The following KYNU variants were observed in gnomAD, a reference collection of about 807,000 sequenced individuals.
The protein encoded by KYNU is kynureninase.
In KYNU, 54 loss-of-function variants were observed where a neutral mutation model predicts 59.2. The observed-to-expected ratio is 0.91, with a 90% CI of 0.73 to 1.14. The LOEUF (loss-of-function observed/expected upper bound fraction) is 1.14, where lower values mean the gene tolerates loss of function less well. Among genes scored for constraint, KYNU ranks in the 50% most tolerant of loss-of-function variants. The pLI is 0.00. For synonymous variants in KYNU, 177 were observed against 192.0 expected (o/e 0.92, Z 0.65); for missense variants, 567 against 554.4 (o/e 1.02, Z -0.23).
chr2:143,021,006 T>C (rs1686391975), intron 10 of KYNU, among the ~76,000 whole-genome samples: 1 of 152,214 alleles, frequency 6.6e-6, no homozygotes, highest in South Asian at 2.1e-4. Context: ...GGTATCGCAA[T>C]GTAGTTTTAA....
chr2:142,899,546 C>T (rs182372454), intron 2 of KYNU, among the ~76,000 whole-genome samples: 60 of 152,262 alleles, frequency 3.9e-4, no homozygotes, highest in African/African-American at 1.3e-3. Context: ...GGCCGAACAA[C>T]GCTCTTAACT....
Position 143,043,769 on chromosome 2 carries a change from A to G in KYNU, c.*1597A>G, listed in dbSNP as rs538331136. On this transcript the variant is annotated 3_prime_UTR_variant, in exon 14 of 14. Transcript: ENST00000264170. Reference sequence around the variant, plus strand: ...ATACTTTATATATATTTATATTTATATATTTATATATTTATATTTTAATAT... The same window carrying G: ...ATACTTTATATATATTTATATTTATGTATTTATATATTTATATTTTAATAT... 2.5e-3 allele frequency: 364 copies of G among 146,928 alleles called. No individual in the cohort carries two copies. The highest frequency in any genetic ancestry group is 6.8e-3 in the African/African-American group (278 of 40,604). 9.1% of individuals were successfully genotyped at this position (146,928 alleles called of 1,614,324 possible).
intron 8 of KYNU, among the ~76,000 whole-genome samples, chr2:142,974,793 C>T (rs1684837680): frequency 2.0e-5 from 3 of 152,300 alleles, no homozygotes; most frequent in East Asian, 3.9e-4. Context: ...TCTTCACCAT[C>T]GCTGTTCAGG....
intron 4 of KYNU, among the ~76,000 whole-genome samples, chr2:142,952,189 A>C (rs992830107): frequency 6.6e-6 from 1 of 151,676 alleles, no homozygotes; most frequent in Non-Finnish European, 1.5e-5. Context: ...CGATTCTCCA[A>C]CTCAGCCTTC....
intron 8 of KYNU, among the ~76,000 whole-genome samples, chr2:142,971,547 G>A (rs1240564271): frequency 6.6e-6 from 1 of 152,108 alleles, no homozygotes; most frequent in Non-Finnish European, 1.5e-5. Flanking sequence ...GCCACCGTTT[G>A]CACTGTCTTA....
intron 8 of KYNU, among the ~76,000 whole-genome samples, chr2:142,962,001 G>A (rs115374462): frequency 9.1e-4 from 139 of 152,226 alleles, no homozygotes; most frequent in Non-Finnish European, 1.4e-3. Context: ...TTCTAACAAC[G>A]ACTTCCAACT....
intron 10 of KYNU, among the ~76,000 whole-genome samples, chr2:143,013,550 T>G (rs1345371943): frequency 6.6e-6 from 1 of 152,228 alleles, no homozygotes; most frequent in East Asian, 1.9e-4. Context: ...CATATATGAA[T>G]GTTATCAGGT....
At chr2:142,885,570 T>A (rs768001408) in intron 2 of KYNU, 34 bp downstream of exon 2, 3 of 1,537,518 alleles carry the variant, frequency 2.0e-6, no homozygotes, top group Non-Finnish European at 2.7e-6. Context: ...AAATTTTATT[T>A]ATTTATTTAT....
rs112983456 is a variant in KYNU at position 142,960,818 on chromosome 2, A to G, written c.729+48A>G. On this transcript the variant is annotated intron_variant, in intron 8 of 13. Transcript: ENST00000264170. ...CCCACCTTACTCCAAACATCACTCTACTTAAGAGTGTTCTAATTGCATGAC... is the reference window on the plus strand; with the variant it reads ...CCCACCTTACTCCAAACATCACTCTGCTTAAGAGTGTTCTAATTGCATGAC... 790 of 1,563,084 alleles carry G rather than the reference A, an allele frequency of 5.1e-4. 5 individuals carry two copies. The African/African-American group carries it at 9.7e-3, about 19-fold the overall frequency.
At chr2:142,957,117 A>T (rs2105089783) in intron 6 of KYNU, among the ~76,000 whole-genome samples, 1 of 152,272 alleles carries the variant, frequency 6.6e-6, no homozygotes, top group East Asian at 1.9e-4. Flanking sequence ...GCAAGTAATT[A>T]TGTCAAATGG....
In KYNU at chr2:143,050,044, A is replaced by T. The variant is rs1687236825; in HGVS notation, c.*7872A>T. ...ATATAAACATATATTTATATAAAAT[A>T]AAAACATATAAAATATGAAATATAT... On this transcript the variant is annotated 3_prime_UTR_variant, in exon 14 of 14. Coordinates refer to ENST00000264170, the MANE Select transcript of KYNU (RefSeq NM_003937.3). 1 of 148,046 alleles carries T rather than the reference A, an allele frequency of 6.8e-6. No homozygotes were observed. Among genetic ancestry groups the T allele is most frequent in the African/African-American group, 2.4e-5 (1 of 40,882 alleles). 9.2% of individuals were successfully genotyped at this position (148,046 alleles called of 1,614,324 possible).
At chr2:142,968,986 A>G (rs778738246) in intron 8 of KYNU, among the ~76,000 whole-genome samples, 2 of 152,350 alleles carry the variant, frequency 1.3e-5, no homozygotes, top group South Asian at 2.1e-4. Context: ...ATGAAAGGAC[A>G]GATCCATTTC....
At chr2:143,016,728 A>G (rs1450123020) in intron 10 of KYNU, among the ~76,000 whole-genome samples, 2 of 152,002 alleles carry the variant, frequency 1.3e-5, no homozygotes, top group African/African-American at 4.8e-5. Flanking sequence ...TTTATTTCTT[A>G]TTTTTTATTT....
chr2:143,037,531 C>T (rs987691610), intron 12 of KYNU, among the ~76,000 whole-genome samples: 17 of 152,038 alleles, frequency 1.1e-4, no homozygotes, highest in South Asian at 2.1e-4. Flanking sequence ...TTCAAATTTC[C>T]TAGAGAGACA....
chr2:142,972,820 A>G lies in KYNU; in HGVS notation c.729+12050A>G, dbSNP rs1226284464. Among the ~76,000 whole-genome samples the G allele has an allele frequency of 2.0e-5, 3 of 148,626 alleles. No individual in the cohort carries two copies. In the East Asian group the frequency reaches 6.0e-4, roughly 30 times the overall value. On this transcript the variant is annotated intron_variant, in intron 8 of 13. Coordinates refer to ENST00000264170, the MANE Select transcript of KYNU (RefSeq NM_003937.3). ...TATATATATATATATATATAGAGAG[A>G]GAGAGAGAGAGAGAGAGAGACTGAC... is the stretch of plus-strand genomic sequence containing the variant.
chr2:142,896,054 T>TA (rs920750728), intron 2 of KYNU, among the ~76,000 whole-genome samples: 1 of 152,200 alleles, frequency 6.6e-6, no homozygotes, highest in Non-Finnish European at 1.5e-5. Context: ...TTTATAAATG[T>TA]AAAAACATTC....
chr2:143,005,400 G>A (rs1242080926), intron 10 of KYNU, among the ~76,000 whole-genome samples: 1 of 152,100 alleles, frequency 6.6e-6, no homozygotes, highest in Admixed American at 6.6e-5. Context: ...ACAGAACAAG[G>A]CCCTGCTCAT....
At chr2:142,945,678 A>T (rs1240357254) in intron 4 of KYNU, among the ~76,000 whole-genome samples, 1 of 152,096 alleles carries the variant, frequency 6.6e-6, no homozygotes, top group African/African-American at 2.4e-5. Context: ...CTTTGCAGAG[A>T]TCCATCAGAG....
chr2:142,950,526 C>T (rs1683953479), intron 4 of KYNU, among the ~76,000 whole-genome samples: 2 of 151,632 alleles, frequency 1.3e-5, no homozygotes, highest in Non-Finnish European at 2.9e-5. Flanking sequence ...GGGAAACTCC[C>T]ATTTTTAAAA....
Sources: gnomAD v4.1 joint callset for allele counts (sites outside exome capture counted in the v4.1 genomes callset) on GRCh38, gnomAD v4.1.1 for gene constraint, MANE v1.5 for transcripts, NCBI Gene and HGNC (gene_info 2026-07-23, HGNC 2026-07-21) for gene names.